Variants in DIAPH3 observed in about 807,000 individuals in gnomAD.
DIAPH3 encodes diaphanous related formin 3, also known as protein diaphanous homolog 3.
A neutral mutation model predicts 144.3 loss-of-function variants in DIAPH3; 117 were observed. The observed-to-expected ratio is 0.81, with a 90% CI of 0.70 to 0.95. The LOEUF (loss-of-function observed/expected upper bound fraction) is 0.95. Among genes scored for constraint, DIAPH3 ranks in the 40% least tolerant of loss-of-function variants. The pLI is 0.00. For synonymous variants in DIAPH3, 519 were observed against 488.9 expected (o/e 1.06, Z -0.81); for missense variants, 1,421 against 1,412.7 (o/e 1.01, Z -0.09).
chr13:59,777,499 C>T (rs1213008792), intron 25 of DIAPH3, among the ~76,000 whole-genome samples: 3 of 152,138 alleles, frequency 2.0e-5, no homozygotes, highest in Non-Finnish European at 2.9e-5. Context: ...CAGGAGTCAT[C>T]AACGGTTGCA....
chr13:60,044,070 T>C (rs2055888685), intron 4 of DIAPH3: 1 of 152,240 alleles, frequency 6.6e-6, no homozygotes, highest in South Asian at 2.1e-4. Context: ...CTGAAAGAAC[T>C]TGGACTTTTA....
chr13:59,749,043 G>A (rs1297551286), intron 27 of DIAPH3, among the ~76,000 whole-genome samples: 10 of 151,654 alleles, frequency 6.6e-5, no homozygotes, highest in East Asian at 2.0e-4. Context: ...GTGAAGCCCC[G>A]TCTCTACTGA....
At chr13:59,921,170 C>G (rs185006743) in intron 18 of DIAPH3, among the ~76,000 whole-genome samples, 3 of 146,668 alleles carry the variant, frequency 2.0e-5, no homozygotes, top group Middle Eastern at 3.6e-3. Flanking sequence ...AACATTGCAC[C>G]TGGAGGAATT....
At chr13:60,097,984 T>C (rs550450932) in intron 3 of DIAPH3, among the ~76,000 whole-genome samples, 3 of 152,214 alleles carry the variant, frequency 2.0e-5, no homozygotes, top group Admixed American at 6.5e-5. Flanking sequence ...GAGCTTTTTT[T>C]CCTAAAAAAT....
At chr13:60,082,673 ACATG>A (rs1341302945) in intron 4 of DIAPH3, among the ~76,000 whole-genome samples, 8 of 152,140 alleles carry the variant, frequency 5.3e-5, no homozygotes, top group African/African-American at 1.7e-4. Context: ...ACTATTACCA[ACATG>A]CAAAACTCAG....
chr13:59,821,425 G>T (rs1566362933), intron 24 of DIAPH3, among the ~76,000 whole-genome samples: 1 of 151,848 alleles, frequency 6.6e-6, no homozygotes, highest in African/African-American at 2.4e-5. Flanking sequence ...ATTTTAATTT[G>T]GAAAAAATCC....
At chr13:60,124,656 C>T (rs1415786924) in intron 2 of DIAPH3, among the ~76,000 whole-genome samples, 1 of 151,914 alleles carries the variant, frequency 6.6e-6, no homozygotes, top group Admixed American at 6.6e-5. Context: ...TATTAAGATA[C>T]GGTCTTGGTA....
At chr13:59,692,252 G>GGAA (rs2138693177) in intron 27 of DIAPH3, among the ~76,000 whole-genome samples, 1 of 149,872 alleles carries the variant, frequency 6.7e-6, no homozygotes, top group South Asian at 2.1e-4. Flanking sequence ...TGAGGCAAAA[G>GGAA]GAAGGTTGAG....
At chr13:59,989,307 C>T (rs2051648995) in intron 12 of DIAPH3, among the ~76,000 whole-genome samples, 1 of 151,242 alleles carries the variant, frequency 6.6e-6, no homozygotes, top group Non-Finnish European at 1.5e-5. Context: ...AAATGCATGA[C>T]AAAAATATAT....
Position 59,972,650 on chromosome 13 carries a change from C to T in DIAPH3, c.1651-1490G>A, listed in dbSNP as rs546998751. Among the ~76,000 whole-genome samples, 3 of 152,248 alleles carry T rather than the reference C, an allele frequency of 2.0e-5. No individual in the cohort carries two copies. The East Asian group carries it at 5.8e-4, about 29-fold the overall frequency. On this transcript the variant is annotated intron_variant, in intron 15 of 27. Transcript: ENST00000400324. ...ACCAGTTCAGTGTTACTCTGGGTTG[C>T]TGTGATCAAAGATGATACTTCCTTT...
intron 17 of DIAPH3, among the ~76,000 whole-genome samples, chr13:59,946,259 T>C (rs2048791879): frequency 6.6e-6 from 1 of 152,190 alleles, no homozygotes; most frequent in Non-Finnish European, 1.5e-5. Context: ...GTTCCTATTA[T>C]ATTGTCCTTT....
chr13:59,840,697 A>G (rs527422938), intron 22 of DIAPH3, among the ~76,000 whole-genome samples: 2 of 152,030 alleles, frequency 1.3e-5, no homozygotes, highest in East Asian at 3.9e-4. Context: ...CAATGATTGA[A>G]CTCTTCCGAG....
chr13:60,117,838 T>A (rs558609475), intron 2 of DIAPH3, among the ~76,000 whole-genome samples: 1 of 152,282 alleles, frequency 6.6e-6, no homozygotes, highest in Admixed American at 6.5e-5. Flanking sequence ...TTTGGCAATT[T>A]GGCTGGGGGT....
chr13:59,756,428 GGAAGGAAGGAAGGAAA>G lies in DIAPH3; in HGVS notation c.3319+17745_3319+17760del, dbSNP rs1453138767. Among the ~76,000 whole-genome samples the G allele has an allele frequency of 1.3e-3, 181 of 136,166 alleles. 1 individual carries two copies. Among genetic ancestry groups the G allele is most frequent in the East Asian group, 0.013 (62 of 4,824 alleles). The allele number at this position is 136,166 out of a possible 152,430, so 89.3% of individuals were successfully genotyped here. A position where few individuals can be genotyped will look rare whatever the true frequency, so the allele number is the denominator to read the frequency against. On this transcript the variant is annotated intron_variant, in intron 27 of 27. Transcript: ENST00000400324. ...TAGTAAAAAGGAAGGAAGGAAGGAAGGAAGGAAGGAAGGAAAGAAGGAAGGAAGGAAGGAAGGAAAG... is the reference window on the plus strand; with the variant it reads ...TAGTAAAAAGGAAGGAAGGAAGGAAGGAAGGAAGGAAGGAAGGAAGGAAAG...
At chr13:60,041,213 A>G (rs2055643315) in intron 5 of DIAPH3, among the ~76,000 whole-genome samples, 1 of 152,128 alleles carries the variant, frequency 6.6e-6, no homozygotes, top group African/African-American at 2.4e-5. Context: ...ATATCTGTCA[A>G]ATAAATTCCC....
At chr13:59,688,973 TAG>T (rs1555272565) in intron 27 of DIAPH3, among the ~76,000 whole-genome samples, 2 of 152,118 alleles carry the variant, frequency 1.3e-5, no homozygotes, top group Non-Finnish European at 2.9e-5. Flanking sequence ...GTTTATGTAA[TAG>T]AGTTTCACCA....
intron 24 of DIAPH3, among the ~76,000 whole-genome samples, chr13:59,831,586 C>T (rs2041784148): frequency 6.6e-6 from 1 of 151,916 alleles, no homozygotes; most frequent in Non-Finnish European, 1.5e-5. Flanking sequence ...GCTATTCTAT[C>T]TCCAGCTCAG....
intron 18 of DIAPH3, among the ~76,000 whole-genome samples, chr13:59,918,942 T>C (rs71432790): frequency 0.027 from 727 of 26,842 alleles, 1 homozygote; most frequent in Non-Finnish European, 0.047. Context: ...TTCAAGAAAA[T>C]ACAAAAAAAA....
At chr13:59,777,849 A>G (rs1036154434) in intron 25 of DIAPH3, among the ~76,000 whole-genome samples, 4 of 152,294 alleles carry the variant, frequency 2.6e-5, no homozygotes, top group South Asian at 2.1e-4. Flanking sequence ...CTAGATTAAA[A>G]GAGACTAAAG....
Sources: gnomAD v4.1 joint callset for allele counts (sites outside exome capture counted in the v4.1 genomes callset) on GRCh38, gnomAD v4.1.1 for gene constraint, MANE v1.5 for transcripts, NCBI Gene and HGNC (gene_info 2026-07-23, HGNC 2026-07-21) for gene names.